UBXN4: variants seen among roughly 807,000 people sequenced by gnomAD.
UBXN4 encodes the protein UBX domain protein 4.
In UBXN4, 35 loss-of-function variants were observed where a neutral mutation model predicts 66.2. That is an observed-to-expected ratio of 0.53 (90% CI 0.40 to 0.70). The LOEUF is 0.70. Ranked by LOEUF, UBXN4 falls within the 30% of genes least tolerant of loss-of-function variation. The probability of loss-of-function intolerance (pLI) is 0.00; values close to 1 mark genes in which losing one functional copy is unlikely to be tolerated. For missense variants in UBXN4, 533 were observed against 599.8 expected (o/e 0.89, Z 1.16); for synonymous variants, 203 against 204.5 (o/e 0.99, Z 0.06).
rs1404172530 is a variant in UBXN4, at chr2:135,779,078, C to G, written c.1184C>G (p.Pro395Arg). The G allele has an allele frequency of 1.2e-6, 2 of 1,611,320 alleles. No homozygotes were observed. Among genetic ancestry groups the G allele is most frequent in the African/African-American group, 2.7e-5 (2 of 74,758 alleles). Residue 395 changes from proline to arginine, a missense_variant and splice_region_variant, in exon 11 of 13, where the codon CCA becomes CGA. Physicochemically the swap from Pro to Arg is moderately radical, Grantham distance 103. Transcript: ENST00000272638. ...CCAAGCGCTTCGGTGGTACTGTTGC[C>G]AGTATGTATATACAGATGCATTTTT... The part of the protein sequence containing the change: ...LAPSASVVLL[P>R]AGRPTASIVH...
intron 4 of UBXN4, among the ~76,000 whole-genome samples, chr2:135,755,225 T>A (rs553059164): frequency 6.6e-6 from 1 of 152,372 alleles, no homozygotes; most frequent in South Asian, 2.1e-4. Flanking sequence ...CATTTCTGTC[T>A]ACTTTGGACA....
intron 12 of UBXN4, 22 bp from the exon 13 acceptor site, chr2:135,782,727 T>G: frequency 6.2e-7 from 1 of 1,609,170 alleles, no homozygotes; most frequent in South Asian, 1.1e-5. Flanking sequence ...ATCTTCCCCT[T>G]GCTCCCTCTT....
chr2:135,744,746 T>TC (rs1478470591), intron 1 of UBXN4, among the ~76,000 whole-genome samples: 1 of 152,240 alleles, frequency 6.6e-6, no homozygotes, highest in Non-Finnish European at 1.5e-5. Flanking sequence ...TATGCTGTTT[T>TC]CTCCTAAAAT....
intron 6 of UBXN4, among the ~76,000 whole-genome samples, chr2:135,763,997 A>G (rs1412375420): frequency 2.0e-5 from 3 of 151,972 alleles, no homozygotes; most frequent in Admixed American, 6.6e-5. Context: ...CATGGCACGC[A>G]TCTGTAGTCC....
Position 135,748,266 on chromosome 2 carries a change from G to A in UBXN4, c.83-1G>A. 1 of 1,562,998 alleles carries A rather than the reference G, an allele frequency of 6.4e-7. No individual in the cohort carries two copies. Among genetic ancestry groups the A allele is most frequent in the Non-Finnish European group, 8.6e-7 (1 of 1,157,702 alleles). On this transcript the variant is annotated splice_acceptor_variant, in intron 1 of 12. Transcript: ENST00000272638. LOFTEE classifies it high-confidence loss of function. The stretch of plus-strand genomic sequence containing the variant: ...ATAAGAATTTTTGAAATGTTTTACA[G>A]GTGATGATGAACAGTCTACACAGAT...
intron 5 of UBXN4, among the ~76,000 whole-genome samples, chr2:135,761,547 C>T (rs554404566): frequency 6.6e-6 from 1 of 152,296 alleles, no homozygotes; most frequent in South Asian, 2.1e-4. Context: ...CCAGGCATGC[C>T]TCCTGCCAGA....
chr2:135,778,895 G>A (rs2077433732), intron 10 of UBXN4, 53 bp from the exon 11 acceptor site: 3 of 1,529,968 alleles, frequency 2.0e-6, no homozygotes, highest in Non-Finnish European at 2.6e-6. Flanking sequence ...ATTCATCTGA[G>A]TAATATCTTA....
Position 135,780,437 on chromosome 2 carries a change from T to C in UBXN4, c.1388+52T>C, listed in dbSNP as rs768647545. The C allele has an allele frequency of 3.8e-6, 6 of 1,567,586 alleles. No homozygotes were observed. The African/African-American group carries it at 8.1e-5, about 21-fold the overall frequency. On this transcript the variant is annotated intron_variant, in intron 12 of 12. Transcript: ENST00000272638. ...TAAAATATGTAAGTCATGCCCAGTA[T>C]CTTTTTTAAGTAAAAAGTTGAGTAC...
intron 1 of UBXN4, chr2:135,747,862 C>G (rs2077219256): frequency 2.9e-6 from 1 of 349,428 alleles, no homozygotes; most frequent in African/African-American, 2.2e-5. Context: ...CTCAGGTGAT[C>G]TACCCGCCTC....
At chr2:135,775,382 T>A (rs1035366699) in intron 9 of UBXN4, among the ~76,000 whole-genome samples, 4 of 152,174 alleles carry the variant, frequency 2.6e-5, no homozygotes, top group Non-Finnish European at 4.4e-5. Flanking sequence ...TCAAAATAGC[T>A]AAAATGTGGT....
At chr2:135,742,481 C>T (rs2077181725) in intron 1 of UBXN4, 1 of 154,310 alleles carries the variant, frequency 6.5e-6, no homozygotes, top group African/African-American at 2.4e-5. Context: ...CGCCCCGAGC[C>T]TCTCCCCTGC....
intron 6 of UBXN4, among the ~76,000 whole-genome samples, chr2:135,764,078 C>T (rs1421078167): frequency 1.3e-5 from 2 of 152,088 alleles, no homozygotes; most frequent in Non-Finnish European, 2.9e-5. Context: ...GAGCCAAGGT[C>T]ATGCCACTAC....
chr2:135,745,422 A>G (rs1014532115), intron 1 of UBXN4, among the ~76,000 whole-genome samples: 2 of 152,102 alleles, frequency 1.3e-5, no homozygotes, highest in African/African-American at 4.8e-5. Context: ...TCTCTCATAG[A>G]TTTCTTTTTA....
chr2:135,750,835 CTTTTTTTTTTTTTTTTTTT>C (rs1166056661), intron 2 of UBXN4, among the ~76,000 whole-genome samples: 9 of 77,472 alleles, frequency 1.2e-4, no homozygotes, highest in East Asian at 9.6e-4. Flanking sequence ...ATGTGTCTGG[CTTTTTTTTTTTTTTTTTTT>C]TTTTTTTTTT....
intron 8 of UBXN4, 71 bp downstream of exon 8, chr2:135,770,806 C>T (rs1277914642): frequency 1.5e-6 from 2 of 1,312,406 alleles, no homozygotes; most frequent in African/African-American, 3.1e-5. Flanking sequence ...TACTACCAGA[C>T]TGTGCACACA....
At position 135,783,891 on chromosome 2, in the gene UBXN4, C is replaced by T. The variant is rs1335031071; in HGVS notation, c.*1004C>T. 1 of 152,154 alleles carries T rather than the reference C, an allele frequency of 6.6e-6. No homozygotes were observed. Among genetic ancestry groups the T allele is most frequent in the Non-Finnish European group, 1.5e-5 (1 of 68,026 alleles). 9.4% of individuals were successfully genotyped at this position (152,154 alleles called of 1,614,324 possible). ...CGTATGTCTTTGTTAGTGGAGACCG[C>T]TAAACTAATGATGTTTGAAAACAGT... On this transcript the variant is annotated 3_prime_UTR_variant, in exon 13 of 13. Transcript: ENST00000272638.
At chr2:135,750,835 CT>C (rs1166056661) in intron 2 of UBXN4, among the ~76,000 whole-genome samples, 1 of 77,436 alleles carries the variant, frequency 1.3e-5, no homozygotes, top group African/African-American at 5.2e-5. Context: ...ATGTGTCTGG[CT>C]TTTTTTTTTT....
chr2:135,777,592 A>G (rs897381381), intron 10 of UBXN4, among the ~76,000 whole-genome samples: 65 of 152,304 alleles, frequency 4.3e-4, no homozygotes, highest in African/African-American at 1.5e-3. Context: ...TGTCCTATTA[A>G]AACTCCACCT....
chr2:135,770,696 T>G lies in UBXN4; in HGVS notation c.783T>G (p.Asp261Glu), dbSNP rs1157759220. 2 of 1,566,612 alleles carry G rather than the reference T, an allele frequency of 1.3e-6. No individual in the cohort carries two copies. The highest frequency in any genetic ancestry group is 1.7e-6 in the Non-Finnish European group (2 of 1,166,272). The change falls in exon 8 of 13, where the codon GAT becomes GAG. Residue 261 changes from aspartate to glutamate, a missense_variant. This residue lies in a region of UBXN4 where 529 missense variants were observed against 580.1 expected (regional missense o/e 0.91). Coordinates refer to ENST00000272638, the MANE Select transcript of UBXN4 (RefSeq NM_014607.4). ...AAAGAAACAGAGAGAAAGCAGAAGA[T>G]AGGGCAGCTCGAGAACGTATAAAAC... is the stretch of plus-strand genomic sequence containing the variant. Reference protein sequence around the residue: ...LEERNREKAEDRAARERIKQQ... With the variant: ...LEERNREKAEERAARERIKQQ...
Sources: gnomAD v4.1 joint callset for allele counts (sites outside exome capture counted in the v4.1 genomes callset) on GRCh38, gnomAD v4.1.1 for gene constraint, gnomAD v4.1.1 regional missense constraint, MANE v1.5 for transcripts, NCBI Gene and HGNC (gene_info 2026-07-23, HGNC 2026-07-21) for gene names.